The following AVL9 variants were observed in gnomAD, a reference collection of about 807,000 sequenced individuals.
AVL9 encodes the protein AVL9 cell migration associated.
Under a neutral mutation model 79.2 loss-of-function variants are expected in AVL9, and 49 were observed. That is an observed-to-expected ratio of 0.62 (90% CI 0.49 to 0.79). The LOEUF (loss-of-function observed/expected upper bound fraction) is 0.79. Among genes scored for constraint, AVL9 ranks in the 30% least tolerant of loss-of-function variants. The pLI is 0.00. For synonymous variants in AVL9, 299 were observed against 280.6 expected (o/e 1.07, Z -0.65); for missense variants, 682 against 776.8 (o/e 0.88, Z 1.45).
In AVL9 at chr7:32,557,451, T is replaced by G. The variant is rs1583572089; in HGVS notation, c.610-1108T>G. Among the ~76,000 whole-genome samples, 3 of 152,222 alleles carry G rather than the reference T, an allele frequency of 2.0e-5. No homozygotes were observed. In the South Asian group the frequency reaches 6.2e-4, roughly 32 times the overall value. The stretch of plus-strand genomic sequence containing the variant: ...GGTATTCCACCTTTGTCTCTTTTTT[T>G]GTTTGTTCTTTTCTTTCTATATTTT... On this transcript the variant is annotated intron_variant, in intron 8 of 15. Coordinates refer to ENST00000318709, the MANE Select transcript of AVL9 (RefSeq NM_015060.3).
chr7:32,576,543 G>T (rs1226439113), intron 13 of AVL9, among the ~76,000 whole-genome samples: 1 of 152,164 alleles, frequency 6.6e-6, no homozygotes. Context: ...CAACACTTTG[G>T]GAGGCCGAGG....
chr7:32,498,526 A>G (rs1786967184), intron 1 of AVL9, among the ~76,000 whole-genome samples: 1 of 152,082 alleles, frequency 6.6e-6, no homozygotes, highest in Non-Finnish European at 1.5e-5. Flanking sequence ...CTGGGATTAC[A>G]GGCATCAGGC....
chr7:32,565,405 C>G (rs373116118), intron 10 of AVL9, among the ~76,000 whole-genome samples: 90 of 151,518 alleles, frequency 5.9e-4, no homozygotes, highest in African/African-American at 2.1e-3. Flanking sequence ...ACTAAAGATA[C>G]AAAATTAGCT....
intron 1 of AVL9, among the ~76,000 whole-genome samples, chr7:32,508,743 A>G (rs71530596): frequency 0.15 from 22,554 of 152,236 alleles, 2,194 homozygotes; most frequent in Non-Finnish European, 0.21. Flanking sequence ...AGACAGTCCT[A>G]TCTTCACTGT....
chr7:32,566,706 A>C, intron 10 of AVL9, among the ~76,000 whole-genome samples: 1 of 137,058 alleles, frequency 7.3e-6, no homozygotes, highest in East Asian at 2.3e-4. Context: ...GTGAAACCCC[A>C]TCTCTACTAA....
chr7:32,543,376 A>G (rs1789306326), intron 2 of AVL9, 115 bp downstream of exon 2: 5 of 1,280,464 alleles, frequency 3.9e-6, no homozygotes, highest in Non-Finnish European at 5.4e-6. Context: ...AACTATTTAT[A>G]AAATATTTAC....
chr7:32,543,583 G>T (rs992444450), intron 2 of AVL9, among the ~76,000 whole-genome samples: 2 of 152,204 alleles, frequency 1.3e-5, no homozygotes, highest in Non-Finnish European at 2.9e-5. Context: ...ACCAGCACCA[G>T]CTGTACATTG....
At chr7:32,567,150 G>A (rs1223444006) in intron 10 of AVL9, among the ~76,000 whole-genome samples, 1 of 152,182 alleles carries the variant, frequency 6.6e-6, no homozygotes, top group Admixed American at 6.5e-5. Flanking sequence ...CACCCAGGCT[G>A]GAGAGCAGTG....
chr7:32,545,848 A>G (rs983572681), intron 3 of AVL9, among the ~76,000 whole-genome samples: 2 of 152,172 alleles, frequency 1.3e-5, no homozygotes, highest in African/African-American at 4.8e-5. Flanking sequence ...AATACTCTAA[A>G]GTAGTGAGTG....
At chr7:32,569,252 A>T (rs1790717359) in intron 10 of AVL9, among the ~76,000 whole-genome samples, 1 of 152,232 alleles carries the variant, frequency 6.6e-6, no homozygotes. Context: ...TGTATATACA[A>T]GTCATGCCAC....
chr7:32,516,975 A>G (rs1337863633), intron 1 of AVL9, among the ~76,000 whole-genome samples: 8 of 152,158 alleles, frequency 5.3e-5, no homozygotes, highest in South Asian at 4.1e-4. Flanking sequence ...TAAGTTATCT[A>G]TCTCTTTCTT....
chr7:32,533,957 A>G (rs1361240517), intron 1 of AVL9: 1 of 152,202 alleles, frequency 6.6e-6, no homozygotes, highest in African/African-American at 2.4e-5. Flanking sequence ...CTAGGGTACT[A>G]TGTTACTTTG....
chr7:32,512,858 G>T (rs987693688), intron 1 of AVL9, among the ~76,000 whole-genome samples: 4 of 152,162 alleles, frequency 2.6e-5, no homozygotes, highest in Admixed American at 2.0e-4. Flanking sequence ...ATGAATATAT[G>T]TAGAATGAAC....
Position 32,559,121 on chromosome 7 carries a change from T to C in AVL9, c.872T>C (p.Met291Thr). 1 of 1,614,046 alleles carries C rather than the reference T, an allele frequency of 6.2e-7. No homozygotes were observed. Among genetic ancestry groups the C allele is most frequent in the Non-Finnish European group, 8.5e-7 (1 of 1,179,968 alleles). ...GGAAACCATGGAGAAGATGCTGCCA[T>C]GAAGACTGAGGAGCCTTTGTTCCAA... Reference protein sequence around the residue: ...MAGNHGEDAAMKTEEPLFQVE... With the variant: ...MAGNHGEDAATKTEEPLFQVE... Residue 291 changes from methionine to threonine, a missense_variant, in exon 10 of 16, where the codon ATG becomes ACG. Transcript: ENST00000318709.
chr7:32,544,736 C>G lies in AVL9; in HGVS notation c.257C>G (p.Ala86Gly), dbSNP rs1789393813. ...FHLPPRNGNG[A>G]TVFGISCYRQ... ...TTGCCACCCAGAAATGGAAATGGAGCCACAGTATTTGGTATCTCTTGCTAT... is the reference window on the plus strand; with the variant it reads ...TTGCCACCCAGAAATGGAAATGGAGGCACAGTATTTGGTATCTCTTGCTAT... The change falls in exon 3 of 16, where the codon GCC becomes GGC. Residue 86 changes from alanine (A) to glycine (G), a missense_variant. Ala to Gly is a moderately conservative substitution (Grantham distance 60). Coordinates refer to ENST00000318709, the MANE Select transcript of AVL9 (RefSeq NM_015060.3). 1.2e-6 allele frequency: 2 copies of G among 1,613,674 alleles called. No individual in the cohort carries two copies. Among genetic ancestry groups the G allele is most frequent in the South Asian group, 2.2e-5 (2 of 91,054 alleles).
chr7:32,544,710 C>G lies in AVL9; in HGVS notation c.231C>G (p.His77Gln), dbSNP rs757509323. The G allele has an allele frequency of 1.9e-6, 3 of 1,613,420 alleles. No homozygotes were observed. Among genetic ancestry groups the G allele is most frequent in the Non-Finnish European group, 2.5e-6 (3 of 1,179,630 alleles). The change falls in exon 3 of 16, where the codon CAC becomes CAG. Residue 77 changes from histidine to glutamine, a missense_variant. His to Gln is a conservative substitution (Grantham distance 24). Transcript: ENST00000318709. ...HNYQEDTVFF[H>Q]LPPRNGNGAT... ...ATCTCTTAGATACTGTGTTTTTTCA[C>G]TTGCCACCCAGAAATGGAAATGGAG...
intron 1 of AVL9, among the ~76,000 whole-genome samples, chr7:32,498,623 C>G (rs1400210752): frequency 7.6e-5 from 11 of 144,452 alleles, no homozygotes. Context: ...TTTTTTTTCA[C>G]TTTTATTTGG....
At chr7:32,566,790 G>C (rs1260491484) in intron 10 of AVL9, among the ~76,000 whole-genome samples, 3 of 152,096 alleles carry the variant, frequency 2.0e-5, no homozygotes, top group African/African-American at 7.2e-5. Flanking sequence ...GGCTGAGGCA[G>C]GAGAGTGGCA....
intron 10 of AVL9, among the ~76,000 whole-genome samples, chr7:32,563,534 C>G (rs1790418908): frequency 1.3e-5 from 2 of 149,024 alleles, no homozygotes; most frequent in Admixed American, 1.4e-4. Flanking sequence ...ATGAGCCAGA[C>G]ACCATACTAG....
Sources: allele counts gnomAD v4.1 joint callset (sites outside exome capture counted in the v4.1 genomes callset), GRCh38; gene constraint gnomAD v4.1.1; transcripts MANE v1.5; gene names NCBI Gene and HGNC (gene_info 2026-07-23, HGNC 2026-07-21).